The following RBFOX1 variants were observed in gnomAD, a reference collection of about 807,000 sequenced individuals.
RBFOX1 encodes RNA binding protein fox-1 homolog 1.
RBFOX1 carries 8 observed loss-of-function variants against 57.7 expected under a neutral mutation model. The ratio of observed to expected loss-of-function variants is 0.14; its 90% CI spans 0.08 to 0.25. The LOEUF (loss-of-function observed/expected upper bound fraction) is 0.25, where lower values mean the gene tolerates loss of function less well. Ranked by LOEUF, RBFOX1 falls within the 10% of genes least tolerant of loss-of-function variation. The pLI, the probability that RBFOX1 is intolerant of heterozygous loss-of-function variation, is 1.00. For synonymous variants in RBFOX1, 326 were observed against 222.4 expected (o/e 1.47, Z -4.15); for missense variants, 611 against 548.5 (o/e 1.11, Z -1.14).
intron 3 of RBFOX1, among the ~76,000 whole-genome samples, chr16:6,997,568 G>A (rs894675860): frequency 6.6e-6 from 1 of 152,100 alleles, no homozygotes; most frequent in Non-Finnish European, 1.5e-5. Context: ...AAATTGCACA[G>A]CCAGAAATTT....
chr16:6,611,205 G>C (rs542997583), intron 2 of RBFOX1, among the ~76,000 whole-genome samples: 1 of 152,278 alleles, frequency 6.6e-6, no homozygotes, highest in East Asian at 1.9e-4. Context: ...GGAGTATAAT[G>C]GTGCAATCTA....
intron 4 of RBFOX1, among the ~76,000 whole-genome samples, chr16:7,271,356 G>C (rs1054231914): frequency 6.6e-6 from 1 of 151,326 alleles, no homozygotes; most frequent in South Asian, 2.1e-4. Context: ...TTCTTGGGGG[G>C]AGCTCGTATC....
At chr16:7,083,382 T>A (rs141791247) in intron 4 of RBFOX1, among the ~76,000 whole-genome samples, 1,628 of 152,102 alleles carry the variant, frequency 0.011, 15 homozygotes, top group Non-Finnish European at 0.016. Context: ...GGAGAATGAA[T>A]GGGTGCAAAC....
chr16:6,693,932 T>C (rs1603431538), intron 3 of RBFOX1, among the ~76,000 whole-genome samples: 1 of 152,378 alleles, frequency 6.6e-6, no homozygotes, highest in East Asian at 1.9e-4. Context: ...TTTACCCATA[T>C]GAAGTAGACA....
chr16:6,020,899 C>A (rs903572091), intron 1 of RBFOX1, among the ~76,000 whole-genome samples: 5 of 152,162 alleles, frequency 3.3e-5, no homozygotes, highest in Admixed American at 3.3e-4. Context: ...AGGGGAAGAC[C>A]CCGATCTAAC....
chr16:5,915,272 T>C (rs2058680928), intron 4 of RBFOX1, among the ~76,000 whole-genome samples: 1 of 152,226 alleles, frequency 6.6e-6, no homozygotes, highest in African/African-American at 2.4e-5. Flanking sequence ...CTTTTCCATC[T>C]ATTAATATTT....
At chr16:5,422,572 AGGG>A (rs1365551415) in intron 1 of RBFOX1, among the ~76,000 whole-genome samples, 3 of 41,832 alleles carry the variant, frequency 7.2e-5, no homozygotes, top group Admixed American at 3.2e-4. Flanking sequence ...GGGGAGGAGG[AGGG>A]GGAGAGGGAG....
rs1052514040 is a variant in RBFOX1 at position 5,950,219 on chromosome 16, C to G, written c.351+82884C>G. Among the ~76,000 whole-genome samples, 5 of 152,298 alleles carry G rather than the reference C, an allele frequency of 3.3e-5. No individual in the cohort carries two copies. The South Asian group carries it at 1.0e-3, about 32-fold the overall frequency. On this transcript the variant is annotated intron_variant, in intron 4 of 19. Coordinates refer to the RBFOX1 transcript ENST00000641259. ...TAAAAAATGACACGGACTTTCAAGG[C>G]AGACAGCAGAACATTCACTAAGCAT...
chr16:7,010,195 C>T (rs577143447), intron 3 of RBFOX1, among the ~76,000 whole-genome samples: 2 of 152,218 alleles, frequency 1.3e-5, no homozygotes, highest in Admixed American at 6.5e-5. Flanking sequence ...GTCCCTTATA[C>T]ATATATGTCA....
intron 3 of RBFOX1, among the ~76,000 whole-genome samples, chr16:5,770,703 A>C (rs1001368612): frequency 6.6e-6 from 1 of 152,002 alleles, no homozygotes; most frequent in Non-Finnish European, 1.5e-5. Context: ...GCTAAGCCTC[A>C]GTTTTGGTGC....
At chr16:5,439,328 G>A (rs1197211226) in intron 1 of RBFOX1, among the ~76,000 whole-genome samples, 1 of 152,134 alleles carries the variant, frequency 6.6e-6, no homozygotes, top group Non-Finnish European at 1.5e-5. Flanking sequence ...ATGTAATGGG[G>A]GAATGGAAGG....
chr16:7,003,098 T>G (rs1216651634), intron 3 of RBFOX1, among the ~76,000 whole-genome samples: 3 of 152,084 alleles, frequency 2.0e-5, no homozygotes, highest in Admixed American at 2.0e-4. Context: ...TTACAAAGAA[T>G]AGTCTTGCAG....
At chr16:7,023,538 C>G (rs974848474) in intron 3 of RBFOX1, among the ~76,000 whole-genome samples, 3 of 127,018 alleles carry the variant, frequency 2.4e-5, no homozygotes, top group African/African-American at 9.6e-5. Flanking sequence ...AACAGCCTGG[C>G]CAACATGGTG....
chr16:6,874,640 A>T (rs2061516402), intron 3 of RBFOX1, among the ~76,000 whole-genome samples: 1 of 151,908 alleles, frequency 6.6e-6, no homozygotes, highest in Admixed American at 6.6e-5. Context: ...CTTATCTCCC[A>T]CTTACAATGG....
At chr16:6,689,165 G>A (rs1396212442) in intron 3 of RBFOX1, among the ~76,000 whole-genome samples, 1 of 152,156 alleles carries the variant, frequency 6.6e-6, no homozygotes, top group African/African-American at 2.4e-5. Context: ...TAATGGGATT[G>A]CTGGGTCAAA....
rs147885736 is a variant in RBFOX1, at chr16:5,275,398, C to T, written c.219+35293C>T. The stretch of plus-strand genomic sequence containing the variant: ...ACAAATCAGTAGCAGTGCTATACAC[C>T]AACAGCAACCAGGCTGAGAATCAAA... On this transcript the variant is annotated intron_variant, in intron 1 of 2. Coordinates refer to the RBFOX1 transcript ENST00000585867. 6.2e-4 allele frequency among the ~76,000 whole-genome samples: 95 copies of T among 152,184 alleles called. 2 individuals are homozygous for T. In the East Asian group the frequency reaches 0.017, roughly 28 times the overall value.
rs1007608416 is a variant in RBFOX1 at position 6,768,124 on chromosome 16, G to A, written c.-16+113474G>A. ...ATAAAGGTGGATTTGCTTGGCCCCC[G>A]AGGCAGAGGTTGCAGTGAGCAGAGA... On this transcript the variant is annotated intron_variant, in intron 3 of 15. Coordinates refer to ENST00000550418, the MANE Select transcript of RBFOX1 (RefSeq NM_018723.4). Among the ~76,000 whole-genome samples the A allele has an allele frequency of 4.0e-5, 6 of 151,774 alleles. 1 individual carries two copies. Among genetic ancestry groups the A allele is most frequent in the Admixed American group, 2.6e-4 (4 of 15,228 alleles).
intron 4 of RBFOX1, among the ~76,000 whole-genome samples, chr16:7,070,436 G>C (rs1045650999): frequency 2.6e-4 from 39 of 152,248 alleles, no homozygotes; most frequent in Admixed American, 2.0e-3. Context: ...ACAACTTAGA[G>C]ATTTAAATAT....
intron 3 of RBFOX1, among the ~76,000 whole-genome samples, chr16:7,010,783 T>C (rs562629955): frequency 6.6e-6 from 1 of 152,270 alleles, no homozygotes; most frequent in South Asian, 2.1e-4. Flanking sequence ...CAGGCTGGTC[T>C]CAAACTCCTG....
Sources: gnomAD v4.1 joint callset for allele counts (sites outside exome capture counted in the v4.1 genomes callset) on GRCh38, gnomAD v4.1.1 for gene constraint, MANE v1.5 for transcripts, NCBI Gene and HGNC (gene_info 2026-07-23, HGNC 2026-07-21) for gene names.